Variants in ADAMTS6 observed in about 807,000 individuals in gnomAD.
The protein encoded by ADAMTS6 is A disintegrin and metalloproteinase with thrombospondin motifs 6.
In ADAMTS6, 23 loss-of-function variants were observed where a neutral mutation model predicts 144.3. That is an observed-to-expected ratio of 0.16 (90% CI 0.11 to 0.23). The LOEUF (loss-of-function observed/expected upper bound fraction) is 0.23. ADAMTS6 is among the 10% of genes least tolerant of loss of function. The pLI is 1.00. For synonymous variants in ADAMTS6, 444 were observed against 457.5 expected (o/e 0.97, Z 0.38); for missense variants, 999 against 1,379.6 (o/e 0.72, Z 4.37).
chr5:65,251,946 AT>A (rs1471063018), intron 14 of ADAMTS6, among the ~76,000 whole-genome samples: 2 of 152,114 alleles, frequency 1.3e-5, no homozygotes, highest in Non-Finnish European at 2.9e-5. Context: ...TCTTCCTACC[AT>A]TTCTATACCT....
At chr5:65,253,878 G>C (rs1053132531) in intron 14 of ADAMTS6, among the ~76,000 whole-genome samples, 8 of 126,664 alleles carry the variant, frequency 6.3e-5, no homozygotes, top group African/African-American at 2.5e-4. Flanking sequence ...TCCAGCCTGG[G>C]GTGCAGTGAT....
intron 9 of ADAMTS6, among the ~76,000 whole-genome samples, chr5:65,305,023 G>C (rs1382685014): frequency 2.0e-5 from 3 of 151,456 alleles, no homozygotes; most frequent in African/African-American, 7.3e-5. Flanking sequence ...TTTCTAATTA[G>C]ACCATTGTAT....
intron 9 of ADAMTS6, among the ~76,000 whole-genome samples, chr5:65,306,142 A>G (rs1561402724): frequency 6.6e-6 from 1 of 152,200 alleles, no homozygotes; most frequent in African/African-American, 2.4e-5. Context: ...ACCAATGTAA[A>G]TATGTTGATG....
intron 7 of ADAMTS6, among the ~76,000 whole-genome samples, chr5:65,379,128 C>A (rs1392024145): frequency 6.6e-6 from 1 of 152,102 alleles, no homozygotes; most frequent in African/African-American, 2.4e-5. Context: ...TTGTTTTAAT[C>A]CTCATTTAAT....
intron 14 of ADAMTS6, among the ~76,000 whole-genome samples, chr5:65,259,900 GT>G (rs1761031333): frequency 1.3e-5 from 2 of 152,154 alleles, no homozygotes; most frequent in Admixed American, 6.5e-5. Context: ...AAAAGCTGTG[GT>G]TTTTAGATAG....
At chr5:65,464,710 A>T (rs958192034) in intron 3 of ADAMTS6, among the ~76,000 whole-genome samples, 1 of 151,920 alleles carries the variant, frequency 6.6e-6, no homozygotes, top group Non-Finnish European at 1.5e-5. Flanking sequence ...CCCTCACCTT[A>T]CCTTTTACAC....
chr5:65,275,242 A>G (rs1426658254), intron 11 of ADAMTS6, among the ~76,000 whole-genome samples: 4 of 132,162 alleles, frequency 3.0e-5, no homozygotes, highest in African/African-American at 5.4e-5. Context: ...AAAAAAAAAA[A>G]GGAAAGAAAG....
intron 3 of ADAMTS6, among the ~76,000 whole-genome samples, chr5:65,461,018 A>G (rs1759606411): frequency 6.6e-6 from 1 of 152,350 alleles, no homozygotes; most frequent in South Asian, 2.1e-4. Context: ...CATTCTGCAG[A>G]TGAAGTAACA....
At chr5:65,474,256 GATAAA>G (rs1239857673) in intron 1 of ADAMTS6, among the ~76,000 whole-genome samples, 1 of 152,068 alleles carries the variant, frequency 6.6e-6, no homozygotes, top group Non-Finnish European at 1.5e-5. Context: ...ACTTCCTTTT[GATAAA>G]ATAAAATCGG....
chr5:65,282,809 A>G (rs1035876103), intron 11 of ADAMTS6, among the ~76,000 whole-genome samples: 1 of 152,006 alleles, frequency 6.6e-6, no homozygotes, highest in African/African-American at 2.4e-5. Context: ...CCACCTTCCC[A>G]TCGTGGCCTC....
chr5:65,192,525 C>G (rs879003531), intron 21 of ADAMTS6, among the ~76,000 whole-genome samples: 8 of 151,938 alleles, frequency 5.3e-5, no homozygotes, highest in Admixed American at 5.2e-4. Context: ...CAGAAATACT[C>G]TTGCTATTAA....
intron 12 of ADAMTS6, among the ~76,000 whole-genome samples, chr5:65,267,327 T>C (rs564367168): frequency 7.2e-5 from 11 of 152,250 alleles, no homozygotes; most frequent in African/African-American, 2.6e-4. Context: ...ATTATCCGGA[T>C]AAATTGGATA....
rs1424956323 is a variant in ADAMTS6 at position 65,451,070 on chromosome 5, C to T, written c.1073+405G>A. ...TCCCTTTTAATAAACTTTAACACAACTGAAAGGTAAAAATAGTTAATATAT... is the reference window on the plus strand; with the variant it reads ...TCCCTTTTAATAAACTTTAACACAATTGAAAGGTAAAAATAGTTAATATAT... On this transcript the variant is annotated intron_variant, in intron 7 of 24. Transcript: ENST00000381055. Among the ~76,000 whole-genome samples, 3 of 152,072 alleles carry T rather than the reference C, an allele frequency of 2.0e-5. No individual in the cohort carries two copies. In the East Asian group the frequency reaches 5.8e-4, roughly 29 times the overall value.
At chr5:65,344,420 C>A (rs1466800099) in intron 7 of ADAMTS6, among the ~76,000 whole-genome samples, 1 of 151,834 alleles carries the variant, frequency 6.6e-6, no homozygotes, top group Non-Finnish European at 1.5e-5. Flanking sequence ...GATATTACAT[C>A]ATTTGCATCC....
At chr5:65,274,203 C>A (rs1362440783) in intron 11 of ADAMTS6, among the ~76,000 whole-genome samples, 1 of 151,924 alleles carries the variant, frequency 6.6e-6, no homozygotes, top group East Asian at 1.9e-4. Context: ...TTTGTTAATA[C>A]TATATTAACA....
chr5:65,234,455 T>C (rs1373937303), intron 15 of ADAMTS6, among the ~76,000 whole-genome samples: 2 of 151,482 alleles, frequency 1.3e-5, no homozygotes, highest in Non-Finnish European at 1.5e-5. Flanking sequence ...GAATAGACTT[T>C]TTTTTTTCCC....
chr5:65,336,050 G>T (rs1392030764), intron 7 of ADAMTS6, among the ~76,000 whole-genome samples: 1 of 152,094 alleles, frequency 6.6e-6, no homozygotes, highest in East Asian at 1.9e-4. Flanking sequence ...TTTCAGAGAG[G>T]CTGAAACATT....
intron 7 of ADAMTS6, among the ~76,000 whole-genome samples, chr5:65,420,675 C>A (rs116574927): frequency 1.3e-5 from 2 of 152,146 alleles, no homozygotes; most frequent in East Asian, 3.9e-4. Context: ...CCACTGCGCC[C>A]GGCCTCTGAA....
At chr5:65,354,588 T>C (rs1156523162) in intron 7 of ADAMTS6, among the ~76,000 whole-genome samples, 1 of 151,830 alleles carries the variant, frequency 6.6e-6, no homozygotes, top group African/African-American at 2.4e-5. Flanking sequence ...AAAATTGTTA[T>C]TTTGAATTGA....
Sources: allele counts gnomAD v4.1 joint callset (sites outside exome capture counted in the v4.1 genomes callset), GRCh38; gene constraint gnomAD v4.1.1; transcripts MANE v1.5; gene names NCBI Gene and HGNC (gene_info 2026-07-23, HGNC 2026-07-21).